GPC5: variants seen among roughly 807,000 people sequenced by gnomAD.
The protein encoded by GPC5 is glypican 5, also known as glypican-5.
A neutral mutation model predicts 53.9 loss-of-function variants in GPC5; 47 were observed. The ratio of observed to expected loss-of-function variants is 0.87; its 90% confidence interval spans 0.69 to 1.11. The LOEUF (loss-of-function observed/expected upper bound fraction) is 1.11. Ranked by LOEUF, GPC5 falls within the 50% of genes most tolerant of loss-of-function variation. GPC5 has a pLI of 0.00. For synonymous variants in GPC5, 286 were observed against 263.3 expected (o/e 1.09, Z -0.84); for missense variants, 748 against 713.1 (o/e 1.05, Z -0.56).
intron 4 of GPC5, among the ~76,000 whole-genome samples, chr13:91,752,262 G>A (rs1002821688): frequency 1.3e-5 from 2 of 152,116 alleles, no homozygotes; most frequent in Non-Finnish European, 2.9e-5. Context: ...ATATATGTAT[G>A]TATGTATAGA....
intron 7 of GPC5, among the ~76,000 whole-genome samples, chr13:92,592,472 A>G (rs1372293728): frequency 6.6e-6 from 1 of 151,330 alleles, no homozygotes; most frequent in African/African-American, 2.4e-5. Context: ...CCTGCCAGGC[A>G]AATGTTCTAA....
intron 2 of GPC5, among the ~76,000 whole-genome samples, chr13:91,522,472 ACT>A (rs892352922): frequency 7.9e-5 from 12 of 151,908 alleles, no homozygotes; most frequent in East Asian, 5.8e-4. Flanking sequence ...ATAGCTGCGC[ACT>A]CTTTTTTCTT....
At chr13:92,648,323 G>A (rs1249151604) in intron 7 of GPC5, among the ~76,000 whole-genome samples, 2 of 152,122 alleles carry the variant, frequency 1.3e-5, no homozygotes, top group African/African-American at 2.4e-5. Context: ...TCTTTGCAAT[G>A]CATCTATTCT....
intron 7 of GPC5, among the ~76,000 whole-genome samples, chr13:92,401,107 T>G (rs1353376280): frequency 6.6e-6 from 1 of 152,096 alleles, no homozygotes; most frequent in African/African-American, 2.4e-5. Flanking sequence ...AGTAGACTGT[T>G]GAATTGGCCA....
At chr13:92,357,284 A>G (rs71427562) in intron 7 of GPC5, among the ~76,000 whole-genome samples, 1,540 of 151,846 alleles carry the variant, frequency 0.01, 32 homozygotes, top group Middle Eastern at 0.048. Flanking sequence ...TCTTTGAGGA[A>G]TTGCCACACT....
intron 7 of GPC5, among the ~76,000 whole-genome samples, chr13:92,327,633 C>T (rs976236831): frequency 6.6e-6 from 1 of 152,094 alleles, no homozygotes; most frequent in Admixed American, 6.6e-5. Flanking sequence ...AGGGTCCTAA[C>T]ATTCACAGTG....
chr13:91,932,824 T>A (rs2039834224), intron 6 of GPC5, among the ~76,000 whole-genome samples: 1 of 151,974 alleles, frequency 6.6e-6, no homozygotes. Context: ...GTTGTCTTCT[T>A]AAATCAGAGG....
At chr13:92,241,234 A>C (rs1458203256) in intron 7 of GPC5, 1 of 152,210 alleles carries the variant, frequency 6.6e-6, no homozygotes, top group Non-Finnish European at 1.5e-5. Context: ...CACACTAAAA[A>C]ATAAGTAGTT....
At chr13:92,833,688 G>T (rs1024919421) in intron 7 of GPC5, among the ~76,000 whole-genome samples, 7 of 152,170 alleles carry the variant, frequency 4.6e-5, no homozygotes, top group Admixed American at 3.3e-4. Flanking sequence ...GGAAATACAT[G>T]GTATTATGGG....
chr13:91,675,429 G>A (rs1393007816), intron 2 of GPC5, among the ~76,000 whole-genome samples: 1 of 152,000 alleles, frequency 6.6e-6, no homozygotes, highest in African/African-American at 2.4e-5. Context: ...TCAATTTTTG[G>A]CTCAAAAACC....
intron 7 of GPC5, among the ~76,000 whole-genome samples, chr13:92,807,836 C>T (rs535220921): frequency 6.6e-6 from 1 of 152,142 alleles, no homozygotes; most frequent in African/African-American, 2.4e-5. Context: ...CCTTTAGGTA[C>T]GTTAATATCC....
chr13:92,053,388 G>A (rs9301774), intron 6 of GPC5, among the ~76,000 whole-genome samples: 79,863 of 151,974 alleles, frequency 0.53, 21,574 homozygotes, highest in East Asian at 0.79. Flanking sequence ...GTCAGCAGAG[G>A]GTCTGAGCAC....
At chr13:92,267,677 T>C (rs1024531641) in intron 7 of GPC5, among the ~76,000 whole-genome samples, 3 of 151,732 alleles carry the variant, frequency 2.0e-5, no homozygotes, top group Admixed American at 6.6e-5. Context: ...GCCTAGAATA[T>C]GGCAAACTGC....
intron 2 of GPC5, among the ~76,000 whole-genome samples, chr13:91,672,584 T>C (rs2035276213): frequency 6.6e-6 from 1 of 152,092 alleles, no homozygotes; most frequent in Non-Finnish European, 1.5e-5. Context: ...CAGGACACAA[T>C]AGATGCTGGT....
chr13:91,595,163 G>T (rs1053253819), intron 2 of GPC5, among the ~76,000 whole-genome samples: 1 of 151,784 alleles, frequency 6.6e-6, no homozygotes, highest in Non-Finnish European at 1.5e-5. Context: ...GACTACAGAT[G>T]TATGCCACCA....
intron 6 of GPC5, among the ~76,000 whole-genome samples, chr13:91,958,334 T>A (rs1242651578): frequency 1.3e-5 from 2 of 151,546 alleles, no homozygotes; most frequent in Non-Finnish European, 2.9e-5. Flanking sequence ...CAAGAGGATA[T>A]AATAATTCTA....
At chr13:92,249,738 A>ATT (rs2042679052) in intron 7 of GPC5, among the ~76,000 whole-genome samples, 1 of 151,990 alleles carries the variant, frequency 6.6e-6, no homozygotes, top group Non-Finnish European at 1.5e-5. Context: ...GGACCAGGCA[A>ATT]TTCAGGAATC....
intron 6 of GPC5, among the ~76,000 whole-genome samples, chr13:91,948,935 G>A (rs545670037): frequency 3.9e-5 from 6 of 152,236 alleles, no homozygotes; most frequent in African/African-American, 1.4e-4. Flanking sequence ...GAGACATATG[G>A]TATGTCAGTG....
intron 2 of GPC5, among the ~76,000 whole-genome samples, chr13:91,685,536 C>A (rs969795480): frequency 1.3e-5 from 2 of 152,154 alleles, no homozygotes; most frequent in African/African-American, 4.8e-5. Flanking sequence ...CACTTTTCAT[C>A]CCCTACCCTC....
Sources: gnomAD v4.1 joint callset for allele counts (sites outside exome capture counted in the v4.1 genomes callset) on GRCh38, gnomAD v4.1.1 for gene constraint, MANE v1.5 for transcripts, NCBI Gene and HGNC (gene_info 2026-07-23, HGNC 2026-07-21) for gene names.